Variants in CLCN4 observed in about 807,000 individuals in gnomAD.
The protein encoded by CLCN4 is H(+)/Cl(-) exchange transporter 4.
CLCN4 carries 1 observed loss-of-function variant against 41.7 expected under a neutral mutation model. That is an observed-to-expected ratio of 0.02 (90% CI 0.01 to 0.11). The LOEUF (loss-of-function observed/expected upper bound fraction) is 0.11. CLCN4 is among the 10% of genes least tolerant of loss of function. The probability of loss-of-function intolerance (pLI) is 1.00; values close to 1 mark genes in which losing one functional copy is unlikely to be tolerated. For synonymous variants in CLCN4, 277 were observed against 285.8 expected, an observed-to-expected ratio of 0.97 and a Z score of 0.31; for missense variants, 287 against 661.0, an observed-to-expected ratio of 0.43 and a Z score of 6.20.
At chrX:10,201,091 G>T (rs12857142) in intron 6 of CLCN4, among the ~76,000 whole-genome samples, 1 of 111,500 alleles carries the variant, frequency 9.0e-6, no homozygotes, top group Non-Finnish European at 1.9e-5. Flanking sequence ...CAAGGAGAAA[G>T]TATGATTGAT....
rs1333138324 is a variant in CLCN4, at chrX:10,234,654, A to G, written c.*1070A>G. 3.6e-5 allele frequency: 4 copies of G among 112,586 alleles called. No homozygotes were observed. Among genetic ancestry groups the G allele is most frequent in the African/African-American group, 9.7e-5 (3 of 31,016 alleles). The allele number at this position is 112,586 out of a possible 1,213,427, so 9.3% of individuals were successfully genotyped here. ...AAATGGATTGCAAGAGAAATACTAA[A>G]TTGATTCTAAATCTGTTCCATTATC... On this transcript the variant is annotated 3_prime_UTR_variant, in exon 13 of 13. Coordinates refer to ENST00000380833, the MANE Select transcript of CLCN4 (RefSeq NM_001830.4).
rs1925197250 is a variant in CLCN4, at chrX:10,234,301, T to C, written c.*717T>C. The C allele has an allele frequency of 8.9e-6, 1 of 112,319 alleles. No homozygotes were observed. Among genetic ancestry groups the C allele is most frequent in the African/African-American group, 3.2e-5 (1 of 30,780 alleles). The allele number at this position is 112,319 out of a possible 1,213,427, so 9.3% of individuals were successfully genotyped here. ...GACTGCACGATGAACTATTGGAGCA[T>C]ACAGTACTGCGGTGTGTCTCCTCCC... On this transcript the variant is annotated 3_prime_UTR_variant, in exon 13 of 13. Transcript: ENST00000380833.
intron 4 of CLCN4, among the ~76,000 whole-genome samples, chrX:10,189,345 C>T (rs920139095): frequency 8.9e-6 from 1 of 111,775 alleles, no homozygotes; most frequent in Non-Finnish European, 1.9e-5. Flanking sequence ...CTTTATTATC[C>T]ACTTGATTTC....
At chrX:10,194,562 C>T (rs1383039704) in intron 4 of CLCN4, among the ~76,000 whole-genome samples, 8 of 111,603 alleles carry the variant, frequency 7.2e-5, no homozygotes, top group Non-Finnish European at 1.5e-4. Flanking sequence ...GATCCTGCCC[C>T]AGAAGCCATT....
Position 10,235,858 on chromosome X carries a change from G to C in CLCN4, c.*2274G>C, listed in dbSNP as rs1240489427. ...GAATTTAATCCTTGGTCCTATAAAA[G>C]AATAAAATTCATTGTCGTATTTATA... On this transcript the variant is annotated 3_prime_UTR_variant, in exon 13 of 13. Coordinates refer to ENST00000380833, the MANE Select transcript of CLCN4 (RefSeq NM_001830.4). 8.9e-6 allele frequency: 1 copy of C among 112,328 alleles called. No homozygotes were observed. The allele number at this position is 112,328 out of a possible 1,213,427, so 9.3% of individuals were successfully genotyped here. A position where few individuals can be genotyped will look rare whatever the true frequency, so the allele number is the denominator to read the frequency against.
chrX:10,209,232 CAG>C (rs1924473849), intron 9 of CLCN4, among the ~76,000 whole-genome samples: 1 of 108,862 alleles, frequency 9.2e-6, no homozygotes. Flanking sequence ...CTTTGAAGAA[CAG>C]AGCTGTGGAT....
intron 2 of CLCN4, among the ~76,000 whole-genome samples, chrX:10,181,858 G>A (rs144019804): frequency 0.011 from 1,215 of 111,819 alleles, 20 homozygotes; most frequent in African/African-American, 0.037. Context: ...TAATACTATT[G>A]TATTAATACA....
At chrX:10,224,486 A>G (rs752138850) in intron 12 of CLCN4, among the ~76,000 whole-genome samples, 9 of 109,754 alleles carry the variant, frequency 8.2e-5, no homozygotes, top group African/African-American at 2.3e-4. Flanking sequence ...AAAAAAAAAA[A>G]GCCAAGGAGC....
intron 2 of CLCN4, among the ~76,000 whole-genome samples, chrX:10,163,288 C>T (rs1025554598): frequency 8.8e-6 from 1 of 113,023 alleles, no homozygotes; most frequent in African/African-American, 3.2e-5. Flanking sequence ...ATCCCTTCCC[C>T]CATACACACT....
intron 8 of CLCN4, 58 bp downstream of exon 8, chrX:10,206,834 TA>T: frequency 1.2e-6 from 1 of 841,844 alleles, no homozygotes. Flanking sequence ...CGTTGAGGGT[TA>T]GAATCAAAGA....
intron 2 of CLCN4, among the ~76,000 whole-genome samples, chrX:10,175,167 T>G (rs1169790062): frequency 9.0e-6 from 1 of 111,373 alleles, no homozygotes; most frequent in Non-Finnish European, 1.9e-5. Flanking sequence ...GCTGGAGTGG[T>G]GGGCTACGCA....
intron 4 of CLCN4, among the ~76,000 whole-genome samples, chrX:10,191,669 G>A (rs1170251089): frequency 1.9e-5 from 2 of 105,517 alleles, no homozygotes; most frequent in Non-Finnish European, 3.9e-5. Context: ...GGGACTATAG[G>A]CGCGTGCCAC....
intron 4 of CLCN4, among the ~76,000 whole-genome samples, chrX:10,190,844 C>T (rs1923940759): frequency 9.0e-6 from 1 of 111,728 alleles, no homozygotes; most frequent in Non-Finnish European, 1.9e-5. Flanking sequence ...CTTAATTAGA[C>T]TAATTATATA....
intron 10 of CLCN4, 55 bp downstream of exon 10, chrX:10,212,708 G>C: frequency 1.9e-6 from 2 of 1,061,636 alleles, no homozygotes; most frequent in South Asian, 4.2e-5. Context: ...TGGCTTAGAG[G>C]ACTGCCAAGA....
In CLCN4 at chrX:10,220,140, T is replaced by G. The variant is rs6640625; in HGVS notation, c.1976-521T>G. 1.7e-3 allele frequency among the ~76,000 whole-genome samples: 187 copies of G among 112,137 alleles called. 1 individual carries two copies. The highest frequency in any genetic ancestry group is 5.8e-3 in the African/African-American group (180 of 30,864). ...CCAAGGGTCGCGTTTGGGATTGAGC[T>G]GCATTTCTGGGCTGTGAGCCTGGGC... On this transcript the variant is annotated intron_variant, in intron 11 of 12. Coordinates refer to ENST00000380833, the MANE Select transcript of CLCN4 (RefSeq NM_001830.4).
intron 3 of CLCN4, 141 bp from the exon 4 acceptor site, chrX:10,187,374 T>G: frequency 4.2e-6 from 2 of 480,854 alleles, no homozygotes; most frequent in Non-Finnish European, 7.3e-6. Flanking sequence ...ACTGAAAGAA[T>G]CACATCAGTG....
chrX:10,202,439 C>T lies in CLCN4; in HGVS notation c.556-3919C>T, dbSNP rs748449622. Among the ~76,000 whole-genome samples, 10 of 109,484 alleles carry T rather than the reference C, an allele frequency of 9.1e-5. No homozygotes were observed. The South Asian group carries it at 3.6e-3, about 39-fold the overall frequency. ...AGTGAGCTGAGATCACACCACTGCA[C>T]TCCAGTCTGGGTGACAGAGCAAGAT... On this transcript the variant is annotated intron_variant, in intron 6 of 12. Coordinates refer to ENST00000380833, the MANE Select transcript of CLCN4 (RefSeq NM_001830.4).
chrX:10,214,147 A>G, intron 11 of CLCN4, 68 bp downstream of exon 11: 1 of 1,051,814 alleles, frequency 9.5e-7, no homozygotes, highest in Non-Finnish European at 1.3e-6. Context: ...CCCTAACATT[A>G]TCCAAGATTT....
intron 2 of CLCN4, among the ~76,000 whole-genome samples, chrX:10,180,719 A>G (rs1475887917): frequency 4.0e-4 from 35 of 87,916 alleles, no homozygotes; most frequent in African/African-American, 1.5e-3. Context: ...GTGAGCTGAT[A>G]TTGCGCCATT....
Sources: gnomAD v4.1 joint callset for allele counts (sites outside exome capture counted in the v4.1 genomes callset) on GRCh38, gnomAD v4.1.1 for gene constraint, MANE v1.5 for transcripts, NCBI Gene and HGNC (gene_info 2026-07-23, HGNC 2026-07-21) for gene names.